Variants in CDH13 observed in about 807,000 individuals in gnomAD.
CDH13 encodes the protein cadherin-13.
CDH13 carries 24 observed loss-of-function variants against 63.8 expected under a neutral mutation model. That is an observed-to-expected ratio of 0.38 (90% CI 0.27 to 0.53). The LOEUF is 0.53. Among genes scored for constraint, CDH13 ranks in the 20% least tolerant of loss-of-function variants. CDH13 has a pLI of 0.85. For missense variants in CDH13, 1,049 were observed against 903.1 expected (o/e 1.16, Z -2.07); for synonymous variants, 503 against 355.3 (o/e 1.42, Z -4.67).
In CDH13 at chr16:83,047,097, T is replaced by C. The variant is rs1917860125; in HGVS notation, c.366+14879T>C. On this transcript the variant is annotated intron_variant, in intron 3 of 13. Coordinates refer to ENST00000567109, the MANE Select transcript of CDH13 (RefSeq NM_001257.5). The surrounding 1 kb of genome is among the most constrained non-coding windows in gnomAD (Gnocchi z 4.9). ...TAGGATTCCTTTGACAGCAACTTTT[T>C]ACAACTTCCTTCCTTTGAAGATATA... Among the ~76,000 whole-genome samples the C allele has an allele frequency of 6.6e-6, 1 of 152,230 alleles. No homozygotes were observed. Among genetic ancestry groups the C allele is most frequent in the Non-Finnish European group, 1.5e-5 (1 of 68,032 alleles).
chr16:83,032,620 C>G (rs563095740), intron 3 of CDH13, among the ~76,000 whole-genome samples: 1 of 152,184 alleles, frequency 6.6e-6, no homozygotes, highest in African/African-American at 2.4e-5. Context: ...CTGAAGTCGC[C>G]TGAGAAAGCA....
At chr16:82,735,039 C>G (rs544152182) in intron 1 of CDH13, among the ~76,000 whole-genome samples, 2 of 152,298 alleles carry the variant, frequency 1.3e-5, no homozygotes, top group African/African-American at 4.8e-5. Context: ...GTGGCTTGAA[C>G]CAGGAGGTGG....
intron 2 of CDH13, among the ~76,000 whole-genome samples, chr16:82,993,461 C>T (rs186967424): frequency 9.2e-5 from 14 of 152,216 alleles, no homozygotes; most frequent in Admixed American, 2.6e-4. Flanking sequence ...AAATTGACTC[C>T]GTGAGGACTC....
intron 11 of CDH13, among the ~76,000 whole-genome samples, chr16:83,752,549 C>G (rs1742294307): frequency 6.6e-6 from 1 of 152,210 alleles, no homozygotes; most frequent in African/African-American, 2.4e-5. Flanking sequence ...ATACCACTTA[C>G]TAGCTATCTG....
intron 6 of CDH13, among the ~76,000 whole-genome samples, chr16:83,461,814 T>G (rs1297656266): frequency 6.6e-6 from 1 of 152,216 alleles, no homozygotes. Flanking sequence ...ATAAGAGCTA[T>G]AGTGGAACTT....
intron 6 of CDH13, among the ~76,000 whole-genome samples, chr16:83,442,734 T>C (rs761824169): frequency 1.3e-5 from 2 of 152,246 alleles, no homozygotes; most frequent in African/African-American, 2.4e-5. Context: ...GGAACAGTGA[T>C]ATCAGAATGT....
chr16:83,160,015 G>A (rs1056400680), intron 4 of CDH13, among the ~76,000 whole-genome samples: 1 of 152,028 alleles, frequency 6.6e-6, no homozygotes, highest in Non-Finnish European at 1.5e-5. Flanking sequence ...GGCAGAGGTT[G>A]CAGTGAGCCG....
chr16:83,524,312 A>G (rs1021458322), intron 7 of CDH13, among the ~76,000 whole-genome samples: 1 of 152,186 alleles, frequency 6.6e-6, no homozygotes, highest in Non-Finnish European at 1.5e-5. Flanking sequence ...GTTTATGCAG[A>G]CATAGATTTA....
intron 5 of CDH13, among the ~76,000 whole-genome samples, chr16:83,237,869 C>A (rs1314093019): frequency 2.0e-5 from 3 of 152,130 alleles, no homozygotes; most frequent in Non-Finnish European, 4.4e-5. Context: ...TTATTTGTGT[C>A]TTTGGGTATT....
At chr16:83,644,336 T>C (rs1055021989) in intron 8 of CDH13, among the ~76,000 whole-genome samples, 2 of 152,242 alleles carry the variant, frequency 1.3e-5, no homozygotes, top group Non-Finnish European at 2.9e-5. Context: ...TTCTGTTTTA[T>C]AGATGTCCCA....
intron 6 of CDH13, among the ~76,000 whole-genome samples, chr16:83,371,896 T>C (rs1043171897): frequency 7.2e-5 from 11 of 152,084 alleles, no homozygotes; most frequent in Non-Finnish European, 1.6e-4. Context: ...AACAAGAACA[T>C]TGTCCAGAAA....
At chr16:82,748,375 A>T (rs2034272128) in intron 1 of CDH13, among the ~76,000 whole-genome samples, 1 of 152,234 alleles carries the variant, frequency 6.6e-6, no homozygotes, top group Non-Finnish European at 1.5e-5. Flanking sequence ...CTTCCAGGAC[A>T]AAATGGTTGC....
At chr16:83,456,079 C>A (rs149052196) in intron 6 of CDH13, among the ~76,000 whole-genome samples, 2 of 152,360 alleles carry the variant, frequency 1.3e-5, no homozygotes, top group South Asian at 2.1e-4. Context: ...CCAGCCCTGG[C>A]TTGCTTAGAG....
chr16:83,277,330 C>T (rs1305503323), intron 5 of CDH13, among the ~76,000 whole-genome samples: 2 of 152,162 alleles, frequency 1.3e-5, no homozygotes, highest in Non-Finnish European at 2.9e-5. Flanking sequence ...TAACTATGTT[C>T]TCCAAAGTAT....
intron 4 of CDH13, among the ~76,000 whole-genome samples, chr16:83,160,199 G>C (rs1439780175): frequency 2.6e-5 from 4 of 152,154 alleles, no homozygotes; most frequent in Admixed American, 6.5e-5. Flanking sequence ...GGGTGAAAAT[G>C]ATGTGTCAAT....
intron 6 of CDH13, among the ~76,000 whole-genome samples, chr16:83,410,485 T>A (rs1181561937): frequency 6.6e-6 from 1 of 152,210 alleles, no homozygotes; most frequent in African/African-American, 2.4e-5. Context: ...ATTTCAGTGT[T>A]TAGCAAGGTT....
chr16:83,301,528 G>A (rs1453896730), intron 5 of CDH13, among the ~76,000 whole-genome samples: 2 of 152,102 alleles, frequency 1.3e-5, no homozygotes, highest in Non-Finnish European at 2.9e-5. Context: ...ACAGAGGAAG[G>A]GTCTCGTGGG....
At position 82,643,467 on chromosome 16, in the gene CDH13, A is replaced by G. The variant is rs564585989; in HGVS notation, c.45+16330A>G. 2.6e-5 allele frequency among the ~76,000 whole-genome samples: 4 copies of G among 152,364 alleles called. No homozygotes were observed. The South Asian group carries it at 8.3e-4, about 32-fold the overall frequency. ...CTTGGGGCTGGCAAGTGGTAGTTTC[A>G]GGATTAAGACCCAGGCTGTTTGGGT... On this transcript the variant is annotated intron_variant, in intron 1 of 13. Transcript: ENST00000567109.
At chr16:82,956,160 C>T (rs1032884213) in intron 2 of CDH13, among the ~76,000 whole-genome samples, 9 of 152,044 alleles carry the variant, frequency 5.9e-5, no homozygotes, top group Admixed American at 1.3e-4. Flanking sequence ...CGTGCTGTTG[C>T]CAAAACCACA....
Sources: allele counts gnomAD v4.1 joint callset (sites outside exome capture counted in the v4.1 genomes callset), GRCh38; gene constraint gnomAD v4.1.1; non-coding constraint Gnocchi (gnomAD v3.1); transcripts MANE v1.5; gene names NCBI Gene and HGNC (gene_info 2026-07-23, HGNC 2026-07-21).